The following MACROD2 variants were observed in gnomAD, a reference collection of about 807,000 sequenced individuals.
MACROD2 encodes the protein ADP-ribose glycohydrolase MACROD2.
A neutral mutation model predicts 70.4 loss-of-function variants in MACROD2; 36 were observed. The observed-to-expected ratio is 0.51, with a 90% CI of 0.39 to 0.68. The LOEUF (loss-of-function observed/expected upper bound fraction) is 0.68, where lower values mean the gene tolerates loss of function less well. MACROD2 is among the 30% of genes least tolerant of loss of function. The pLI is 0.00. For synonymous variants in MACROD2, 172 were observed against 178.8 expected, an observed-to-expected ratio of 0.96 and a Z score of 0.30; for missense variants, 496 against 538.4, an observed-to-expected ratio of 0.92 and a Z score of 0.78.
At chr20:14,874,920 G>T (rs887164489) in intron 5 of MACROD2, among the ~76,000 whole-genome samples, 9 of 151,630 alleles carry the variant, frequency 5.9e-5, no homozygotes, top group Non-Finnish European at 1.3e-4. Flanking sequence ...GACCAGGCTG[G>T]TCTCAAACTC....
At chr20:15,430,107 T>A (rs193128871) in intron 6 of MACROD2, among the ~76,000 whole-genome samples, 1 of 151,598 alleles carries the variant, frequency 6.6e-6, no homozygotes, top group Non-Finnish European at 1.5e-5. Context: ...GATTTCATTC[T>A]TTTTTGTGGC....
At chr20:14,958,674 C>T (rs557211031) in intron 5 of MACROD2, among the ~76,000 whole-genome samples, 1 of 152,300 alleles carries the variant, frequency 6.6e-6, no homozygotes, top group East Asian at 1.9e-4. Context: ...AGTATGTAAC[C>T]TATTCCTAAT....
At chr20:15,009,292 G>T (rs2122927669) in intron 5 of MACROD2, among the ~76,000 whole-genome samples, 1 of 152,144 alleles carries the variant, frequency 6.6e-6, no homozygotes, top group Admixed American at 6.5e-5. Flanking sequence ...CCTCCCCAAA[G>T]AAGCCTAAAA....
At chr20:15,517,770 C>T (rs1600523227) in intron 8 of MACROD2, among the ~76,000 whole-genome samples, 1 of 152,328 alleles carries the variant, frequency 6.6e-6, no homozygotes, top group African/African-American at 2.4e-5. Context: ...GGCCCTCTCA[C>T]TCTTTCCTGG....
At chr20:14,725,376 A>G (rs2071516637) in intron 5 of MACROD2, among the ~76,000 whole-genome samples, 1 of 152,140 alleles carries the variant, frequency 6.6e-6, no homozygotes, top group Non-Finnish European at 1.5e-5. Context: ...GATGGAAAAA[A>G]GAAGCTTCCC....
intron 6 of MACROD2, among the ~76,000 whole-genome samples, chr20:15,253,344 A>G (rs535991433): frequency 1.3e-5 from 2 of 152,312 alleles, no homozygotes; most frequent in South Asian, 4.1e-4. Context: ...GGCCTTTTAC[A>G]AAGTTTCCTG....
chr20:15,364,751 G>T (rs973789744), intron 6 of MACROD2, among the ~76,000 whole-genome samples: 3 of 152,196 alleles, frequency 2.0e-5, no homozygotes, highest in Admixed American at 6.5e-5. Context: ...CACATAGTAG[G>T]CCCTTAATCA....
intron 3 of MACROD2, among the ~76,000 whole-genome samples, chr20:14,446,778 C>T (rs1429914298): frequency 6.6e-6 from 1 of 151,960 alleles, no homozygotes. Flanking sequence ...CCAAACACTC[C>T]AAGTGATATG....
At chr20:15,311,368 A>G (rs1335381748) in intron 6 of MACROD2, among the ~76,000 whole-genome samples, 1 of 152,182 alleles carries the variant, frequency 6.6e-6, no homozygotes, top group Non-Finnish European at 1.5e-5. Flanking sequence ...ATTTGGTAGA[A>G]TTGCATGCTG....
intron 17 of MACROD2, among the ~76,000 whole-genome samples, chr20:16,047,453 T>C (rs1694698070): frequency 6.6e-6 from 1 of 152,198 alleles, no homozygotes; most frequent in South Asian, 2.1e-4. Context: ...ATGATGGTTA[T>C]GGAATCTGAA....
chr20:14,160,658 TC>T (rs1253937938), intron 3 of MACROD2, among the ~76,000 whole-genome samples: 1 of 152,072 alleles, frequency 6.6e-6, no homozygotes, highest in African/African-American at 2.4e-5. Context: ...TGTTTATCTT[TC>T]CAAAAACAAC....
At chr20:15,338,203 G>A (rs1568731808) in intron 6 of MACROD2, among the ~76,000 whole-genome samples, 1 of 151,418 alleles carries the variant, frequency 6.6e-6, no homozygotes, top group South Asian at 2.1e-4. Flanking sequence ...GTAATATTAC[G>A]GTATAGTTTT....
intron 9 of MACROD2, among the ~76,000 whole-genome samples, chr20:15,881,753 AGGGCTATTATCAT>A (rs2064757773): frequency 6.6e-6 from 1 of 152,114 alleles, no homozygotes; most frequent in Non-Finnish European, 1.5e-5. Flanking sequence ...AGTTTTGAGA[AGGGCTATTATCAT>A]TCTTGCTTTT....
At chr20:14,172,691 T>C (rs1384419619) in intron 3 of MACROD2, among the ~76,000 whole-genome samples, 1 of 152,214 alleles carries the variant, frequency 6.6e-6, no homozygotes, top group Non-Finnish European at 1.5e-5. Flanking sequence ...CTATATATTA[T>C]GCGATTTTTT....
chr20:15,622,318 T>C (rs2049137899), intron 8 of MACROD2, among the ~76,000 whole-genome samples: 1 of 152,216 alleles, frequency 6.6e-6, no homozygotes, highest in Non-Finnish European at 1.5e-5. Context: ...TTGTGAACTT[T>C]TTCCATAAAA....
At chr20:16,047,514 C>A (rs1025264378) in intron 17 of MACROD2, among the ~76,000 whole-genome samples, 1 of 152,132 alleles carries the variant, frequency 6.6e-6, no homozygotes, top group Admixed American at 6.5e-5. Context: ...CTAGGTTGAG[C>A]TTTAAGAGGC....
At chr20:14,638,713 G>A (rs1984919063) in intron 4 of MACROD2, among the ~76,000 whole-genome samples, 1 of 152,134 alleles carries the variant, frequency 6.6e-6, no homozygotes, top group Non-Finnish European at 1.5e-5. Flanking sequence ...CACTTTGTGA[G>A]GCCATGGCGG....
intron 8 of MACROD2, among the ~76,000 whole-genome samples, chr20:15,759,145 C>CAAAAAAAA (rs57212358): frequency 5.1e-5 from 3 of 58,924 alleles, no homozygotes; most frequent in East Asian, 5.1e-4. Flanking sequence ...GACTCCATCT[C>CAAAAAAAA]AAAAAAAAAA....
chr20:15,705,426 G>A (rs1328025866), intron 8 of MACROD2, among the ~76,000 whole-genome samples: 1 of 151,944 alleles, frequency 6.6e-6, no homozygotes, highest in Non-Finnish European at 1.5e-5. Flanking sequence ...GTGCCCCAAA[G>A]CATTTTTTTT....
Sources: gnomAD v4.1 joint callset for allele counts (sites outside exome capture counted in the v4.1 genomes callset) on GRCh38, gnomAD v4.1.1 for gene constraint, MANE v1.5 for transcripts, NCBI Gene and HGNC (gene_info 2026-07-23, HGNC 2026-07-21) for gene names.